Variants in KDM5A observed in about 807,000 individuals in gnomAD.
The protein encoded by KDM5A is lysine-specific demethylase 5A.
Under a neutral mutation model 193.5 loss-of-function variants are expected in KDM5A, and 42 were observed. The observed-to-expected ratio is 0.22, with a 90% confidence interval of 0.17 to 0.28. KDM5A has a LOEUF of 0.28. KDM5A is among the 10% of genes least tolerant of loss of function. The pLI, the probability that KDM5A is intolerant of heterozygous loss-of-function variation, is 1.00. For synonymous variants in KDM5A, 796 were observed against 718.1 expected (o/e 1.11, Z -1.73); for missense variants, 1,692 against 2,055.1 (o/e 0.82, Z 3.42).
At position 323,210 on chromosome 12, in the gene KDM5A, C is replaced by CAAAAAAAAAAAAAAAAA. The variant is rs60377454; in HGVS notation, c.2151-21_2151-5dup. On this transcript the variant is annotated splice_region_variant and splice_polypyrimidine_tract_variant and intron_variant, in intron 15 of 27. Coordinates refer to ENST00000399788, the MANE Select transcript of KDM5A (RefSeq NM_001042603.3). ...GTCTTCTAATGGGTAGCGATATCTA[C>CAAAAAAAAAAAAAAAAA]AAAAAAAAAAAAAAAAAAAAAAAAA... The CAAAAAAAAAAAAAAAAA allele has an allele frequency of 8.0e-4, 238 of 297,120 alleles. 8 individuals carry two copies. The highest frequency in any genetic ancestry group is 2.0e-3 in the Admixed American group (16 of 7,928). The allele number at this position is 297,120 out of a possible 1,614,324, so 18.4% of individuals were successfully genotyped here. A position where few individuals can be genotyped will look rare whatever the true frequency, so the allele number is the denominator to read the frequency against.
chr12:374,553 G>A lies in KDM5A; in HGVS notation c.367-8449C>T, dbSNP rs139682803. On this transcript the variant is annotated intron_variant, in intron 3 of 27. Transcript: ENST00000399788. ...ATTTGCCAGTCTGTGTCTTTTAACT[G>A]GAGCATTTAGCCCATTTACATTTAA... Among the ~76,000 whole-genome samples, 9 of 152,252 alleles carry A rather than the reference G, an allele frequency of 5.9e-5. No individual in the cohort carries two copies. In the East Asian group the frequency reaches 1.5e-3, roughly 26 times the overall value.
At chr12:314,999 G>A (rs918032494) in intron 19 of KDM5A, among the ~76,000 whole-genome samples, 1 of 152,160 alleles carries the variant, frequency 6.6e-6, no homozygotes, top group Non-Finnish European at 1.5e-5. Context: ...ATTTAAGTAA[G>A]GGAGTGAAAG....
chr12:285,721 A>C, intron 27 of KDM5A, 59 bp from the exon 28 acceptor site: 1 of 1,464,026 alleles, frequency 6.8e-7, no homozygotes, highest in Non-Finnish European at 9.6e-7. Context: ...CTAGAATAAA[A>C]GCAAACCAAA....
chr12:317,967 C>A, intron 19 of KDM5A, 139 bp downstream of exon 19: 1 of 676,654 alleles, frequency 1.5e-6, no homozygotes. Context: ...CACAACTTAA[C>A]TAATGCTACT....
At chr12:302,240 G>C (rs927993079) in intron 24 of KDM5A, among the ~76,000 whole-genome samples, 4 of 152,126 alleles carry the variant, frequency 2.6e-5, no homozygotes, top group African/African-American at 9.7e-5. Flanking sequence ...ATAGAACAAG[G>C]CTGGAGGCAT....
chr12:330,054 AGT>A (rs148451707), intron 13 of KDM5A, among the ~76,000 whole-genome samples: 2,165 of 141,838 alleles, frequency 0.015, 21 homozygotes, highest in East Asian at 0.032. Flanking sequence ...CAAAGGAAAA[AGT>A]GTGTGTGTGT....
intron 27 of KDM5A, among the ~76,000 whole-genome samples, chr12:289,538 AAT>A (rs1307037454): frequency 6.6e-6 from 1 of 151,898 alleles, no homozygotes; most frequent in Non-Finnish European, 1.5e-5. Context: ...TCTTTCTTTT[AAT>A]TTTTAAAAGA....
At chr12:325,987 C>T (rs912787797) in intron 14 of KDM5A, among the ~76,000 whole-genome samples, 4 of 152,172 alleles carry the variant, frequency 2.6e-5, no homozygotes, top group African/African-American at 9.7e-5. Context: ...GCACTCCAAC[C>T]TGGGTGGCAG....
At chr12:361,792 A>G (rs997466907) in intron 5 of KDM5A, among the ~76,000 whole-genome samples, 1 of 152,236 alleles carries the variant, frequency 6.6e-6, no homozygotes, top group Non-Finnish European at 1.5e-5. Context: ...TCACTTTCCA[A>G]TGAATTTCCA....
intron 5 of KDM5A, among the ~76,000 whole-genome samples, chr12:356,845 G>A (rs1473431214): frequency 6.6e-6 from 1 of 152,132 alleles, no homozygotes; most frequent in Non-Finnish European, 1.5e-5. Flanking sequence ...CTTCCTACCG[G>A]ACACCTGTAT....
intron 10 of KDM5A, among the ~76,000 whole-genome samples, chr12:337,859 T>C (rs1943953514): frequency 6.6e-6 from 1 of 152,186 alleles, no homozygotes; most frequent in Admixed American, 6.5e-5. Context: ...GCCAGGCTGG[T>C]CTCAAACTGC....
rs3753159 is a variant in KDM5A, at chr12:382,649, G to A, written c.366+1382C>T. Among the ~76,000 whole-genome samples the A allele has an allele frequency of 3.8e-3, 570 of 151,528 alleles. 22 individuals are homozygous for A. In the East Asian group the frequency reaches 0.09, roughly 24 times the overall value. On this transcript the variant is annotated intron_variant, in intron 3 of 27. Coordinates refer to ENST00000399788, the MANE Select transcript of KDM5A (RefSeq NM_001042603.3). ...TGTAGTAACAAAACATATTTTAGCC[G>A]GGCGCGGTGGCTCACGCCTGTAATC...
In KDM5A at chr12:363,049, C is replaced by A. The variant is rs1944311882; in HGVS notation, c.586G>T (p.Val196Phe). ...GAAGTTTGGGTATCAGTGCTGAGAA[C>A]CTCAGGCTCCACTTTTTCTTTAAGA... Reference protein sequence around the residue: ...LDLKEKVEPEVLSTDTQTSPE... With the variant: ...LDLKEKVEPEFLSTDTQTSPE... Residue 196 changes from valine (V) to phenylalanine (F), a missense_variant, in exon 5 of 28, where the codon GTT becomes TTT. Val to Phe is a conservative substitution (Grantham distance 50). Transcript: ENST00000399788. The A allele has an allele frequency of 1.9e-6, 3 of 1,613,996 alleles. No homozygotes were observed. The highest frequency in any genetic ancestry group is 2.5e-6 in the Non-Finnish European group (3 of 1,179,898).
rs377338350 is a variant in KDM5A, at chr12:282,300, G to GT, written c.*3155dup. On this transcript the variant is annotated 3_prime_UTR_variant, in exon 28 of 28. Transcript: ENST00000399788. ...GCACTCTACTGCACCTGGCTGCCATGTTTTTTATTATTAAAGTACATTATG... is the reference window on the plus strand; with the variant it reads ...GCACTCTACTGCACCTGGCTGCCATGTTTTTTTATTATTAAAGTACATTATG... 734 of 233,510 alleles carry GT rather than the reference G, an allele frequency of 3.1e-3. 2 individuals are homozygous for GT. Among genetic ancestry groups the GT allele is most frequent in the African/African-American group, 0.011 (492 of 45,472 alleles). The allele number at this position is 233,510 out of a possible 1,614,324, so 14.5% of individuals were successfully genotyped here. A position where few individuals can be genotyped will look rare whatever the true frequency, so the allele number is the denominator to read the frequency against.
chr12:284,054 A>G lies in KDM5A; in HGVS notation c.*1402T>C, dbSNP rs1591892134. The G allele has an allele frequency of 6.9e-5, 16 of 233,068 alleles. No individual in the cohort carries two copies. The East Asian group carries it at 9.7e-4, about 14-fold the overall frequency. The allele number at this position is 233,068 out of a possible 1,614,324, so 14.4% of individuals were successfully genotyped here. On this transcript the variant is annotated 3_prime_UTR_variant, in exon 28 of 28. Coordinates refer to ENST00000399788, the MANE Select transcript of KDM5A (RefSeq NM_001042603.3). Reference sequence around the variant, plus strand: ...ACATATAATTATCTATATGAACAAAAGCAAAATGGAAGATCTGGTCAGGCT... The same window carrying G: ...ACATATAATTATCTATATGAACAAAGGCAAAATGGAAGATCTGGTCAGGCT...
At chr12:329,329 CAA>C (rs1943834172) in intron 13 of KDM5A, among the ~76,000 whole-genome samples, 2 of 152,068 alleles carry the variant, frequency 1.3e-5, no homozygotes, top group Non-Finnish European at 2.9e-5. Flanking sequence ...ACTGAGGCAG[CAA>C]ACTCTTTTAG....
rs761659981 is a variant in KDM5A, at chr12:356,509, G to A, written c.701C>T (p.Thr234Met). 3.0e-5 allele frequency: 48 copies of A among 1,612,906 alleles called. No individual in the cohort carries two copies. The East Asian group carries it at 6.7e-4, about 22-fold the overall frequency. Residue 234 changes from threonine (T) to methionine (M), a missense_variant, in exon 6 of 28, where the codon ACG becomes ATG. Thr to Met is a moderately conservative substitution (Grantham distance 81). This residue lies in a region of KDM5A where 134 missense variants were observed against 124.2 expected (regional missense o/e 1.08). Transcript: ENST00000399788. ...AAAAATCTGAAGTTTCTTCAGTTCC[G>A]TGTTTCTACTCACATCTCCAGATTC... is the stretch of plus-strand genomic sequence containing the variant. ...QSESGDVSRN[T>M]ELKKLQIFGA...
chr12:386,057 C>T lies in KDM5A; in HGVS notation c.166-83G>A, dbSNP rs916058698. 1.2e-5 allele frequency: 12 copies of T among 996,688 alleles called. No individual in the cohort carries two copies. In the African/African-American group the frequency reaches 1.6e-4, roughly 13 times the overall value. 61.7% of individuals were successfully genotyped at this position (996,688 alleles called of 1,614,324 possible). A position where few individuals can be genotyped will look rare whatever the true frequency, so the allele number is the denominator to read the frequency against. On this transcript the variant is annotated intron_variant, in intron 1 of 27. Transcript: ENST00000399788. ...ATTATTCCCTTAAAGGGGGGTTTTG[C>T]CACAAATCATGGTGCTAATAGACTA...
chr12:322,682 A>G (rs1053794534), intron 16 of KDM5A, 115 bp from the exon 17 acceptor site: 1 of 850,620 alleles, frequency 1.2e-6, no homozygotes, highest in Admixed American at 2.1e-5. Flanking sequence ...GAAATATAAT[A>G]ATTAGTAGAA....
Sources: allele counts gnomAD v4.1 joint callset (sites outside exome capture counted in the v4.1 genomes callset), GRCh38; gene constraint gnomAD v4.1.1; regional missense constraint gnomAD v4.1.1; transcripts MANE v1.5; gene names NCBI Gene and HGNC (gene_info 2026-07-23, HGNC 2026-07-21).